DENND3: variants seen among roughly 807,000 people sequenced by gnomAD.
DENND3 encodes DENN domain containing 3, also known as DENN domain-containing protein 3.
Under a neutral mutation model 135.1 loss-of-function variants are expected in DENND3, and 88 were observed. The ratio of observed to expected loss-of-function variants is 0.65; its 90% CI spans 0.55 to 0.78. DENND3 has a LOEUF of 0.78. Ranked by LOEUF, DENND3 falls within the 30% of genes least tolerant of loss-of-function variation. The probability of loss-of-function intolerance (pLI) is 0.00; values close to 1 mark genes in which losing one functional copy is unlikely to be tolerated. For synonymous variants in DENND3, 693 were observed against 712.3 expected (o/e 0.97, Z 0.43); for missense variants, 1,392 against 1,688.4 (o/e 0.82, Z 3.08).
chr8:141,182,965 A>G lies in DENND3; in HGVS notation c.2944+2111A>G, dbSNP rs1018185751. Reference sequence around the variant, plus strand: ...AAGACCGGGAGGCCTGCCCTTCTGGACTCAGGACGGAGGCAGCACTGCAGG... The same window carrying G: ...AAGACCGGGAGGCCTGCCCTTCTGGGCTCAGGACGGAGGCAGCACTGCAGG... On this transcript the variant is annotated intron_variant, in intron 17 of 22. Transcript: ENST00000519811. This position sits in a 1 kb window ranked among gnomAD's most constrained non-coding sequence, Gnocchi z 5.9. 6.6e-6 allele frequency among the ~76,000 whole-genome samples: 1 copy of G among 152,080 alleles called. No homozygotes were observed. Among genetic ancestry groups the G allele is most frequent in the African/African-American group, 2.4e-5 (1 of 41,388 alleles).
chr8:141,163,850 G>C (rs2154613114), intron 10 of DENND3, among the ~76,000 whole-genome samples: 1 of 148,910 alleles, frequency 6.7e-6, no homozygotes, highest in African/African-American at 2.5e-5. Context: ...GGAGGTTGCT[G>C]TGAGCCAAGA....
At chr8:141,133,842 C>T (rs530994156) in intron 1 of DENND3, among the ~76,000 whole-genome samples, 2 of 152,204 alleles carry the variant, frequency 1.3e-5, no homozygotes, top group East Asian at 1.9e-4. Flanking sequence ...TTTTTGAGAC[C>T]GTAAGTTTAA....
intron 1 of DENND3, among the ~76,000 whole-genome samples, chr8:141,133,339 C>T (rs12681398): frequency 1.3e-5 from 2 of 152,246 alleles, no homozygotes; most frequent in South Asian, 2.1e-4. Context: ...ACGTATGACA[C>T]GTGGGAAGAT....
At chr8:141,142,466 C>A (rs1299924744) in intron 4 of DENND3, 2 of 444,374 alleles carry the variant, frequency 4.5e-6, no homozygotes, top group Non-Finnish European at 9.0e-6. Context: ...TGAGCAGGAA[C>A]CTTACTGTTC....
chr8:141,148,230 T>A (rs1431300919), intron 5 of DENND3, among the ~76,000 whole-genome samples: 1 of 152,138 alleles, frequency 6.6e-6, no homozygotes, highest in Non-Finnish European at 1.5e-5. Flanking sequence ...ATCTCTGATC[T>A]ATGCTGGTGG....
chr8:141,142,188 G>T, intron 4 of DENND3: 1 of 340,582 alleles, frequency 2.9e-6, no homozygotes, highest in Non-Finnish European at 5.8e-6. Context: ...GATGTTGGGG[G>T]CTGTAGCCCA....
rs372183402 is a variant in DENND3, at chr8:141,180,871, C to T, written c.2944+17C>T. ...ACACTCCAGGTAAGGCCCCTCTGCC[C>T]GCGCCTCGCTGCCAGTTTTCAGCCA... On this transcript the variant is annotated intron_variant, in intron 17 of 22. Coordinates refer to ENST00000519811, the MANE Select transcript of DENND3 (RefSeq NM_001352890.3). 53 of 1,597,938 alleles carry T rather than the reference C, an allele frequency of 3.3e-5. No individual in the cohort carries two copies. The highest frequency in any genetic ancestry group is 3.2e-4 in the Admixed American group (19 of 58,800).
In DENND3 at chr8:141,141,894, AC is replaced by A. The variant is rs766887145; in HGVS notation, c.623+571del. ...CCTGTCTCTAAAAAACAATTTAAAA[AC>A]TAGTTGGGCATGGTGGTGTGTGCCT... On this transcript the variant is annotated intron_variant, in intron 4 of 22. Transcript: ENST00000519811. This position sits in a 1 kb window ranked among gnomAD's most constrained non-coding sequence, Gnocchi z 5.3. 4 of 186,394 alleles carry A rather than the reference AC, an allele frequency of 2.1e-5. No individual in the cohort carries two copies. Among genetic ancestry groups the A allele is most frequent in the Non-Finnish European group, 4.6e-5 (4 of 87,722 alleles). The allele number at this position is 186,394 out of a possible 1,614,324, so 11.5% of individuals were successfully genotyped here. A position where few individuals can be genotyped will look rare whatever the true frequency, so the allele number is the denominator to read the frequency against.
At chr8:141,176,037 G>GT (rs1254278630) in intron 14 of DENND3, 1 of 180,654 alleles carries the variant, frequency 5.5e-6, no homozygotes, top group African/African-American at 2.4e-5. Context: ...TAAGGGGACT[G>GT]TAAGAGGCAT....
chr8:141,136,765 T>G lies in DENND3; in HGVS notation c.359T>G (p.Leu120Arg). The G allele has an allele frequency of 6.3e-7, 1 of 1,586,566 alleles. No individual in the cohort carries two copies. Among genetic ancestry groups the G allele is most frequent in the Non-Finnish European group, 8.6e-7 (1 of 1,167,486 alleles). ...GCCGTCCCGGGCGGCGTGGACCTCC[T>G]CACCCTGCCGCAGCTGTGCTTCCCA... ...DVAVPGGVDL[L>R]TLPQLCFPGG... is the part of the protein sequence containing the mutation. Residue 120 changes from leucine to arginine, a missense_variant, in exon 2 of 23, where the codon CTC becomes CGC. By Grantham distance (102) the Leu-to-Arg change is moderately radical. Transcript: ENST00000519811.
chr8:141,130,787 AG>A lies in DENND3; in HGVS notation c.102+1979del. Among the ~76,000 whole-genome samples the A allele has an allele frequency of 6.6e-6, 1 of 151,934 alleles. No individual in the cohort carries two copies. The highest frequency in any genetic ancestry group is 2.1e-4 in the South Asian group (1 of 4,800). ...CTGCAATCTCCGCCTCCTGAGTTCA[AG>A]CAATTCTCCTGCCTCAGCCTCCTAA... On this transcript the variant is annotated intron_variant, in intron 1 of 22. Transcript: ENST00000519811. This position sits in a 1 kb window ranked among gnomAD's most constrained non-coding sequence, Gnocchi z 4.2.
At chr8:141,189,927 C>T (rs1051713628) in intron 19 of DENND3, among the ~76,000 whole-genome samples, 2 of 152,146 alleles carry the variant, frequency 1.3e-5, no homozygotes, top group Admixed American at 6.5e-5. Context: ...GGACCGCTGA[C>T]GAGGTTCCAT....
chr8:141,130,812 A>T lies in DENND3; in HGVS notation c.102+2003A>T, dbSNP rs1460289381. Among the ~76,000 whole-genome samples, 1 of 151,364 alleles carries T rather than the reference A, an allele frequency of 6.6e-6. No individual in the cohort carries two copies. The highest frequency in any genetic ancestry group is 1.5e-5 in the Non-Finnish European group (1 of 67,852). ...AGCAATTCTCCTGCCTCAGCCTCCT[A>T]AGTAGCTGGGATTACAGGCGTGTGC... On this transcript the variant is annotated intron_variant, in intron 1 of 22. Transcript: ENST00000519811. The surrounding 1 kb of genome is among the most constrained non-coding windows in gnomAD (Gnocchi z 4.2).
intron 6 of DENND3, among the ~76,000 whole-genome samples, 163 bp from the exon 7 acceptor site, chr8:141,151,456 G>A (rs1334184965): frequency 1.8e-5 from 2 of 112,836 alleles, no homozygotes; most frequent in African/African-American, 6.7e-5. Context: ...ATCTGCTTGG[G>A]AGGCCAAGGT....
intron 5 of DENND3, among the ~76,000 whole-genome samples, chr8:141,147,162 G>A (rs990665191): frequency 6.6e-6 from 1 of 152,128 alleles, no homozygotes; most frequent in Non-Finnish European, 1.5e-5. Context: ...TACCTTCAGT[G>A]TTCCTTTCCA....
Position 141,166,196 on chromosome 8 carries a change from T to A in DENND3, c.1560T>A (p.Asn520Lys). ...TTGCTTTTTCGTACCCCAGAATAAA[T>A]GGAATGCTTCTAAGTCCAAGGAGAC... ...LDTQSEEDRI[N>K]GMLLSPRRPT... is the part of the protein sequence containing the mutation. Residue 520 changes from asparagine to lysine, a missense_variant, in exon 12 of 23, where the codon AAT becomes AAA. Transcript: ENST00000519811. The surrounding 1 kb of genome is among the most constrained non-coding windows in gnomAD (Gnocchi z 4.3). The A allele has an allele frequency of 6.2e-7, 1 of 1,614,166 alleles. No homozygotes were observed. The highest frequency in any genetic ancestry group is 8.5e-7 in the Non-Finnish European group (1 of 1,180,024).
At chr8:141,133,697 C>G (rs943683195) in intron 1 of DENND3, among the ~76,000 whole-genome samples, 1 of 151,740 alleles carries the variant, frequency 6.6e-6, no homozygotes, top group Non-Finnish European at 1.5e-5. Context: ...AGGTGTAGGT[C>G]TGCAGGTGGG....
intron 17 of DENND3, among the ~76,000 whole-genome samples, chr8:141,181,058 G>GA (rs1823033487): frequency 6.6e-6 from 1 of 152,226 alleles, no homozygotes; most frequent in Admixed American, 6.5e-5. Flanking sequence ...GCCTCACGGT[G>GA]ACTGGAGCCA....
rs909491717 is a variant in DENND3, at chr8:141,128,644, G to A, written c.-64G>A. Reference sequence around the variant, plus strand: ...CAGGCGGCGCGGCTGGTCCCCAGGGGTCTGCGGGCGACTGCGCGGCTGAGG... The same window carrying A: ...CAGGCGGCGCGGCTGGTCCCCAGGGATCTGCGGGCGACTGCGCGGCTGAGG... On this transcript the variant is annotated 5_prime_UTR_variant, in exon 1 of 23. Coordinates refer to ENST00000519811, the MANE Select transcript of DENND3 (RefSeq NM_001352890.3). The surrounding 1 kb of genome is among the most constrained non-coding windows in gnomAD (Gnocchi z 4.5). The A allele has an allele frequency of 1.1e-5, 12 of 1,107,184 alleles. No homozygotes were observed. Among genetic ancestry groups the A allele is most frequent in the Non-Finnish European group, 1.2e-5 (10 of 865,432 alleles). 68.6% of individuals were successfully genotyped at this position (1,107,184 alleles called of 1,614,324 possible). A position where few individuals can be genotyped will look rare whatever the true frequency, so the allele number is the denominator to read the frequency against.
Sources: gnomAD v4.1 joint callset for allele counts (sites outside exome capture counted in the v4.1 genomes callset) on GRCh38, gnomAD v4.1.1 for gene constraint, Gnocchi (gnomAD v3.1) non-coding constraint, MANE v1.5 for transcripts, NCBI Gene and HGNC (gene_info 2026-07-23, HGNC 2026-07-21) for gene names.